VPS16: variants seen among roughly 807,000 people sequenced by gnomAD.
VPS16 encodes the protein vacuolar protein sorting-associated protein 16 homolog.
In VPS16, 82 loss-of-function variants were observed where a neutral mutation model predicts 116.0. That is an observed-to-expected ratio of 0.71 (90% CI 0.59 to 0.85). VPS16 has a LOEUF of 0.85. Ranked by LOEUF, VPS16 falls within the 40% of genes least tolerant of loss-of-function variation. The pLI, the probability that VPS16 is intolerant of heterozygous loss-of-function variation, is 0.00. For missense variants in VPS16, 928 were observed against 1,090.6 expected, an observed-to-expected ratio of 0.85 and a Z score of 2.10; for synonymous variants, 406 against 420.7, an observed-to-expected ratio of 0.96 and a Z score of 0.43.
At chr20:2,866,399 A>G in intron 23 of VPS16, 31 bp from the exon 24 acceptor site, 1 of 1,614,084 alleles carries the variant, frequency 6.2e-7, no homozygotes, top group East Asian at 2.2e-5. Context: ...GAGCAGCCCC[A>G]ACACCACCTC....
chr20:2,860,417 G>A lies in VPS16; in HGVS notation c.370-32G>A, dbSNP rs372078601. On this transcript the variant is annotated intron_variant, in intron 4 of 23. Coordinates refer to ENST00000380445, the MANE Select transcript of VPS16 (RefSeq NM_022575.4). This position sits in a 1 kb window ranked among gnomAD's most constrained non-coding sequence, Gnocchi z 6.1. ...CGCGGGGTAGAGTTTATGACCCTGTGGCTCCCTTAACCCATGGCCCCCTTT... is the reference window on the plus strand; with the variant it reads ...CGCGGGGTAGAGTTTATGACCCTGTAGCTCCCTTAACCCATGGCCCCCTTT... 78 of 1,613,912 alleles carry A rather than the reference G, an allele frequency of 4.8e-5. No homozygotes were observed. The highest frequency in any genetic ancestry group is 6.4e-5 in the Non-Finnish European group (75 of 1,180,002).
At position 2,860,367 on chromosome 20, in the gene VPS16, T is replaced by C. The variant is rs2089214013; in HGVS notation, c.369T>C (p.Asn123=). 1 of 1,614,050 alleles carries C rather than the reference T, an allele frequency of 6.2e-7. No homozygotes were observed. The highest frequency in any genetic ancestry group is 8.5e-7 in the Non-Finnish European group (1 of 1,179,984). ...TCCGGAGACACTTCAGCATGGGCAATGTAGGGGTCACAGAGGGCTGGGGAC... is the reference window on the plus strand; with the variant it reads ...TCCGGAGACACTTCAGCATGGGCAACGTAGGGGTCACAGAGGGCTGGGGAC... The part of the protein sequence containing the change: ...GDFRRHFSMG[N]EVLQNRVLDA... Residue 123 remains asparagine, a splice_region_variant and synonymous_variant, in exon 4 of 24, where the codon AAT becomes AAC. Transcript: ENST00000380445. The surrounding 1 kb of genome is among the most constrained non-coding windows in gnomAD (Gnocchi z 6.1).
At chr20:2,841,109 C>T (rs1343975469) in intron 1 of VPS16, 1 of 494,800 alleles carries the variant, frequency 2.0e-6, no homozygotes, top group Admixed American at 3.8e-5. Flanking sequence ...AGGCAGCTCG[C>T]GGGTGACAGC....
At chr20:2,841,131 C>T (rs1379391766) in intron 1 of VPS16, 1 of 460,700 alleles carries the variant, frequency 2.2e-6, no homozygotes, top group Non-Finnish European at 3.9e-6. Context: ...AGTGCCCAGT[C>T]TCCTGCCGGA....
rs889916747 is a variant in VPS16, at chr20:2,861,036, C to T, written c.697C>T (p.His233Tyr). 3 of 1,614,110 alleles carry T rather than the reference C, an allele frequency of 1.9e-6. No individual in the cohort carries two copies. The highest frequency in any genetic ancestry group is 2.2e-5 in the East Asian group (1 of 44,888). ...GATGGCTGTCTCCTTCACCTACCGA[C>T]ACCTGGCACTCTTCACAGACACAGG... ...LQMAVSFTYR[H>Y]LALFTDTGYI... Residue 233 changes from histidine to tyrosine, a missense_variant, in exon 7 of 24, where the codon CAC becomes TAC. His to Tyr is a moderately conservative substitution (Grantham distance 83). Transcript: ENST00000380445.
intron 1 of VPS16, among the ~76,000 whole-genome samples, chr20:2,850,184 G>A (rs968260969): frequency 3.3e-5 from 5 of 152,256 alleles, no homozygotes; most frequent in Admixed American, 6.5e-5. Context: ...TTAGCCAGGC[G>A]TGGTGGCAGG....
rs1600007674 is a variant in VPS16, at chr20:2,863,834, A to G, written c.1477-115A>G. 2.1e-6 allele frequency: 3 copies of G among 1,409,434 alleles called. No homozygotes were observed. Among genetic ancestry groups the G allele is most frequent in the Non-Finnish European group, 1.9e-6 (2 of 1,040,412 alleles). 87.3% of individuals were successfully genotyped at this position (1,409,434 alleles called of 1,614,324 possible). A position where few individuals can be genotyped will look rare whatever the true frequency, so the allele number is the denominator to read the frequency against. ...AGAAAGAAGAAAGAGAGAAAGAAAG[A>G]AAGAAGAAGGAAGGGAGGGAGGAAG... On this transcript the variant is annotated intron_variant, in intron 15 of 23. Coordinates refer to ENST00000380445, the MANE Select transcript of VPS16 (RefSeq NM_022575.4). The surrounding 1 kb of genome is among the most constrained non-coding windows in gnomAD (Gnocchi z 4.4).
chr20:2,862,926 C>G lies in VPS16; in HGVS notation c.1323C>G (p.Thr441=). 6.2e-7 allele frequency: 1 copy of G among 1,614,024 alleles called. No homozygotes were observed. Among genetic ancestry groups the G allele is most frequent in the Admixed American group, 1.7e-5 (1 of 60,022 alleles). ...VRDYHIGIPL[T]YSQYKQLTIQ... The stretch of plus-strand genomic sequence containing the variant: ...ACTATCACATCGGGATCCCGCTCAC[C>G]TATAGCCAGTATCCCTGTGCACGCC... Residue 441 remains threonine (T), a synonymous_variant, in exon 13 of 24, where the codon ACC becomes ACG. Transcript: ENST00000380445.
intron 1 of VPS16, among the ~76,000 whole-genome samples, chr20:2,844,682 A>C (rs1469783157): frequency 6.6e-6 from 1 of 152,204 alleles, no homozygotes; most frequent in Non-Finnish European, 1.5e-5. Flanking sequence ...CCAGGAGTCA[A>C]AGGTAGAGAA....
chr20:2,862,978 G>A, intron 13 of VPS16, 44 bp downstream of exon 13: 12 of 1,613,750 alleles, frequency 7.4e-6, no homozygotes, highest in Non-Finnish European at 1.0e-5. Context: ...GCCAGGGGTG[G>A]CAGGGGAAGG....
intron 1 of VPS16, 84 bp from the exon 2 acceptor site, chr20:2,859,635 G>T (rs981537533): frequency 6.9e-6 from 10 of 1,443,842 alleles, no homozygotes; most frequent in Non-Finnish European, 9.7e-6. Flanking sequence ...GAAGACAAAT[G>T]GAGGCTTTAG....
At chr20:2,861,492 G>A in intron 8 of VPS16, 123 bp from the exon 9 acceptor site, 1 of 1,364,084 alleles carries the variant, frequency 7.3e-7, no homozygotes, top group South Asian at 1.4e-5. Context: ...GAAGTGGAGA[G>A]GTCAGTGTAC....
chr20:2,842,687 T>C (rs1211715072), intron 1 of VPS16, among the ~76,000 whole-genome samples: 1 of 139,618 alleles, frequency 7.2e-6, no homozygotes, highest in Non-Finnish European at 1.5e-5. Context: ...TATATATAGA[T>C]ACATCTAGAT....
At position 2,864,136 on chromosome 20, in the gene VPS16, C is replaced by T. The variant is rs1446355026; in HGVS notation, c.1612-43C>T. ...CTCTGATGTGGTTGTTCAGGGCCCC[C>T]ATGCCAGCTCCTTCTCTCTGTGCCT... On this transcript the variant is annotated intron_variant, in intron 16 of 23. Transcript: ENST00000380445. The surrounding 1 kb of genome is among the most constrained non-coding windows in gnomAD (Gnocchi z 5.2). The T allele has an allele frequency of 6.2e-7, 1 of 1,613,844 alleles. No homozygotes were observed. The highest frequency in any genetic ancestry group is 2.2e-5 in the East Asian group (1 of 44,876).
chr20:2,841,258 GA>G lies in VPS16; in HGVS notation c.53+433del, dbSNP rs545882514. On this transcript the variant is annotated intron_variant, in intron 1 of 23. Transcript: ENST00000380445. ...GGGGGCGAGTCGTCCGTGAATCCCG[GA>G]ACAGCGGAAGTGGGAACCCCTGGGT... 295 of 207,668 alleles carry G rather than the reference GA, an allele frequency of 1.4e-3. 2 individuals are homozygous for G. Among genetic ancestry groups the G allele is most frequent in the Admixed American group, 3.7e-3 (67 of 18,296 alleles). 12.9% of individuals were successfully genotyped at this position (207,668 alleles called of 1,614,324 possible). A position where few individuals can be genotyped will look rare whatever the true frequency, so the allele number is the denominator to read the frequency against.
At chr20:2,854,979 G>A (rs1170583272) in intron 1 of VPS16, among the ~76,000 whole-genome samples, 2 of 24,050 alleles carry the variant, frequency 8.3e-5, no homozygotes, top group Admixed American at 4.3e-4. Flanking sequence ...TTTTTTTTTT[G>A]AGATGGAATC....
Position 2,863,252 on chromosome 20 carries a change from C to T in VPS16, c.1368-38C>T, listed in dbSNP as rs377674405. The T allele has an allele frequency of 8.7e-6, 14 of 1,613,144 alleles. No homozygotes were observed. Among genetic ancestry groups the T allele is most frequent in the Admixed American group, 1.7e-5 (1 of 59,966 alleles). On this transcript the variant is annotated intron_variant, in intron 14 of 23. Transcript: ENST00000380445. The surrounding 1 kb of genome is among the most constrained non-coding windows in gnomAD (Gnocchi z 4.4). ...GCCACTCTGCTCCCTTTCTCCTCCA[C>T]CTCACTCCTTGTATCCTTTACCCAC...
intron 1 of VPS16, among the ~76,000 whole-genome samples, chr20:2,856,790 C>T (rs765170511): frequency 7.2e-5 from 11 of 152,158 alleles, no homozygotes; most frequent in Non-Finnish European, 1.5e-4. Flanking sequence ...TTTTCCTAGA[C>T]GCCATCCTCT....
intron 1 of VPS16, 178 bp downstream of exon 1, chr20:2,841,005 C>A (rs2088964580): frequency 6.5e-6 from 4 of 613,994 alleles, no homozygotes; most frequent in Non-Finnish European, 1.1e-5. Context: ...CGGGCCTTCC[C>A]CTGCTCCAGA....
Sources: allele counts gnomAD v4.1 joint callset (sites outside exome capture counted in the v4.1 genomes callset), GRCh38; gene constraint gnomAD v4.1.1; non-coding constraint Gnocchi (gnomAD v3.1); transcripts MANE v1.5; gene names NCBI Gene and HGNC (gene_info 2026-07-23, HGNC 2026-07-21).